Variants in ARSB observed in about 807,000 individuals in gnomAD.
ARSB encodes the protein arylsulfatase B, also known as N-acetylgalactosamine-4-sulfatase.
ARSB carries 41 observed loss-of-function variants against 50.9 expected under a neutral mutation model. The ratio of observed to expected loss-of-function variants is 0.81; its 90% CI spans 0.63 to 1.04. The LOEUF is 1.04. Ranked by LOEUF, ARSB falls within the 50% of genes least tolerant of loss-of-function variation. The pLI is 0.00. For synonymous variants in ARSB, 269 were observed against 284.8 expected (o/e 0.94, Z 0.56); for missense variants, 672 against 693.3 (o/e 0.97, Z 0.35).
intron 6 of ARSB, among the ~76,000 whole-genome samples, chr5:78,796,086 T>G (rs2112638106): frequency 6.6e-6 from 1 of 152,340 alleles, no homozygotes; most frequent in Admixed American, 6.5e-5. Flanking sequence ...AAACAACCAT[T>G]CAATGAATCC....
intron 5 of ARSB, among the ~76,000 whole-genome samples, chr5:78,841,080 A>G (rs1745176647): frequency 6.6e-6 from 1 of 151,858 alleles, no homozygotes; most frequent in African/African-American, 2.4e-5. Flanking sequence ...GGATCCCTTG[A>G]GGCCAGCCAG....
chr5:78,818,719 G>A (rs1283044468), intron 6 of ARSB, among the ~76,000 whole-genome samples: 1 of 141,336 alleles, frequency 7.1e-6, no homozygotes, highest in Non-Finnish European at 1.5e-5. Flanking sequence ...CTGGGTCCAT[G>A]CCATTCTCCT....
chr5:78,867,816 G>A (rs1321000370), intron 5 of ARSB, among the ~76,000 whole-genome samples: 1 of 150,914 alleles, frequency 6.6e-6, no homozygotes, highest in Non-Finnish European at 1.5e-5. Context: ...GATGGAGAAT[G>A]ATTTTGACGA....
Position 78,955,496 on chromosome 5 carries a change from A to ATC in ARSB, c.696_697insGA (p.Phe233AspfsTer21), listed in dbSNP as rs1205781478. On this transcript the variant is annotated frameshift_variant, in exon 4 of 8. Transcript: ENST00000264914. LOFTEE classifies it high-confidence loss of function. ...ACAGACTGGAGAGCAAGGTAGAGAA[A>ATC]CAGAGGCTGGAAAGAAAGTTTGTGC... The ATC allele has an allele frequency of 6.2e-7, 1 of 1,614,010 alleles. No individual in the cohort carries two copies. Among genetic ancestry groups the ATC allele is most frequent in the Admixed American group, 1.7e-5 (1 of 60,020 alleles).
At chr5:78,811,476 A>T (rs1743803088) in intron 6 of ARSB, among the ~76,000 whole-genome samples, 1 of 152,224 alleles carries the variant, frequency 6.6e-6, no homozygotes, top group Non-Finnish European at 1.5e-5. Context: ...CAGCTCTGAT[A>T]TGAGGATTAT....
rs1465461042 is a variant in ARSB, at chr5:78,780,417, C to A, written c.1582G>T (p.Val528Leu). ...AAATCCTACATCCAAGGGCCCCACACCCCAGTGGCCTTGGGATCACAGCGG... is the reference window on the plus strand; with the variant it reads ...AAATCCTACATCCAAGGGCCCCACAACCCAGTGGCCTTGGGATCACAGCGG... ...DPRCDPKATG[V>L]WGPWM Residue 528 changes from valine to leucine, a missense_variant, in exon 8 of 8, where the codon GTG becomes TTG. Physicochemically the swap from Val to Leu is conservative, Grantham distance 32 (BLOSUM62 1). Coordinates refer to ENST00000264914, the MANE Select transcript of ARSB (RefSeq NM_000046.5). The A allele has an allele frequency of 6.2e-7, 1 of 1,614,122 alleles. No homozygotes were observed.
chr5:78,912,735 G>A (rs1182672436), intron 4 of ARSB, among the ~76,000 whole-genome samples: 1 of 152,154 alleles, frequency 6.6e-6, no homozygotes, highest in Admixed American at 6.5e-5. Flanking sequence ...ATAGAGGTCA[G>A]ACAGGAGCTT....
chr5:78,868,214 T>G (rs922467932), intron 5 of ARSB, among the ~76,000 whole-genome samples: 2 of 139,344 alleles, frequency 1.4e-5, no homozygotes, highest in Non-Finnish European at 3.1e-5. Context: ...ATGCGGAGAA[T>G]GGAACCAAGT....
chr5:78,871,354 C>T (rs935542547), intron 5 of ARSB, among the ~76,000 whole-genome samples: 1 of 151,854 alleles, frequency 6.6e-6, no homozygotes, highest in East Asian at 1.9e-4. Context: ...GCCCTCATTG[C>T]CAAGTCAATC....
intron 4 of ARSB, among the ~76,000 whole-genome samples, chr5:78,940,882 C>G (rs977463765): frequency 6.6e-6 from 1 of 152,102 alleles, no homozygotes; most frequent in South Asian, 2.1e-4. Context: ...GGCAGTATGG[C>G]CATTTTCACA....
At chr5:78,902,466 A>G (rs1748852691) in intron 4 of ARSB, among the ~76,000 whole-genome samples, 1 of 152,226 alleles carries the variant, frequency 6.6e-6, no homozygotes, top group South Asian at 2.1e-4. Context: ...TCATAGCAGC[A>G]TTATTCATAA....
chr5:78,976,839 G>A (rs1561537583), intron 1 of ARSB, among the ~76,000 whole-genome samples: 1 of 152,166 alleles, frequency 6.6e-6, no homozygotes, highest in Non-Finnish European at 1.5e-5. Flanking sequence ...TGGGTGGGCA[G>A]CATTAAACCC....
At chr5:78,970,803 T>C (rs1346499961) in intron 1 of ARSB, among the ~76,000 whole-genome samples, 1 of 151,552 alleles carries the variant, frequency 6.6e-6, no homozygotes, top group Non-Finnish European at 1.5e-5. Context: ...AAAATAAAAA[T>C]AGAAAAAATT....
At chr5:78,949,200 C>A (rs1751388633) in intron 4 of ARSB, among the ~76,000 whole-genome samples, 1 of 152,166 alleles carries the variant, frequency 6.6e-6, no homozygotes, top group Admixed American at 6.5e-5. Context: ...CAGATTATAA[C>A]AGAAATTTTT....
chr5:78,859,921 C>T (rs752717380), intron 5 of ARSB, among the ~76,000 whole-genome samples: 1 of 152,138 alleles, frequency 6.6e-6, no homozygotes. Context: ...AACCTCAGAA[C>T]ACTCCATACT....
chr5:78,805,009 G>C (rs1239567217), intron 6 of ARSB, among the ~76,000 whole-genome samples: 1 of 152,230 alleles, frequency 6.6e-6, no homozygotes, highest in Non-Finnish European at 1.5e-5. Flanking sequence ...CCGGCCTCCA[G>C]GGTTTAGTGA....
At chr5:78,882,425 T>C (rs1199544974) in intron 5 of ARSB, among the ~76,000 whole-genome samples, 1 of 152,206 alleles carries the variant, frequency 6.6e-6, no homozygotes, top group Non-Finnish European at 1.5e-5. Flanking sequence ...GCCCCAACAT[T>C]GGTCACTTTC....
intron 6 of ARSB, among the ~76,000 whole-genome samples, chr5:78,809,573 G>C (rs985460472): frequency 6.6e-6 from 1 of 152,274 alleles, no homozygotes; most frequent in Admixed American, 6.5e-5. Flanking sequence ...CCCCAAGTCA[G>C]CGGCACTTCT....
At chr5:78,941,011 G>T (rs1750888754) in intron 4 of ARSB, among the ~76,000 whole-genome samples, 1 of 151,398 alleles carries the variant, frequency 6.6e-6, no homozygotes, top group African/African-American at 2.4e-5. Flanking sequence ...TCCCTTGTAA[G>T]TTGGATTCCT....
Sources: gnomAD v4.1 joint callset for allele counts (sites outside exome capture counted in the v4.1 genomes callset) on GRCh38, gnomAD v4.1.1 for gene constraint, MANE v1.5 for transcripts, NCBI Gene and HGNC (gene_info 2026-07-23, HGNC 2026-07-21) for gene names.